The following CHD3 variants were observed in gnomAD, a reference collection of about 807,000 sequenced individuals.
CHD3 encodes ATP-dependent chromatin remodeler CHD3.
CHD3 carries 52 observed loss-of-function variants against 248.9 expected under a neutral mutation model. That is an observed-to-expected ratio of 0.21 (90% confidence interval 0.17 to 0.26). The LOEUF is 0.26. Ranked by LOEUF, CHD3 falls within the 10% of genes least tolerant of loss-of-function variation. The probability of loss-of-function intolerance (pLI) is 1.00; values close to 1 mark genes in which losing one functional copy is unlikely to be tolerated. For missense variants in CHD3, 1,482 were observed against 2,605.8 expected (o/e 0.57, Z 9.39); for synonymous variants, 985 against 985.2 (o/e 1.00, Z 0.00).
intron 4 of CHD3, 45 bp from the exon 5 acceptor site, chr17:7,893,241 A>C: frequency 6.5e-7 from 1 of 1,541,552 alleles, no homozygotes; most frequent in Non-Finnish European, 8.8e-7. Context: ...CAGTGTTCCC[A>C]GACCATCTGT....
intron 20 of CHD3, 143 bp from the exon 21 acceptor site, chr17:7,902,465 AAG>A (rs1970433560): frequency 2.0e-6 from 1 of 496,828 alleles, no homozygotes; most frequent in South Asian, 4.8e-5. Context: ...AGAGTGTGAC[AAG>A]AAGGTGGAAT....
chr17:7,897,473 A>T lies in CHD3; in HGVS notation c.1919+179A>T, dbSNP rs947575001. The stretch of plus-strand genomic sequence containing the variant: ...CAGGGGAACGGGAGAAAACAGGAGG[A>T]AAATCCGGCCAGGCAGTGCCTCTTT... On this transcript the variant is annotated intron_variant, in intron 11 of 39. Transcript: ENST00000330494. The surrounding 1 kb of genome is among the most constrained non-coding windows in gnomAD (Gnocchi z 4.8). Among the ~76,000 whole-genome samples the T allele has an allele frequency of 1.3e-5, 2 of 152,198 alleles. No individual in the cohort carries two copies. The highest frequency in any genetic ancestry group is 2.4e-5 in the African/African-American group (1 of 41,434).
Position 7,903,737 on chromosome 17 carries a change from C to T in CHD3, c.3728-88C>T. Reference sequence around the variant, plus strand: ...GGGGAAAAAGCCTTCTCTAGGGCTCCTGTGAAAAGGACGCAGAGTAGAAGC... The same window carrying T: ...GGGGAAAAAGCCTTCTCTAGGGCTCTTGTGAAAAGGACGCAGAGTAGAAGC... On this transcript the variant is annotated intron_variant, in intron 23 of 39. Coordinates refer to ENST00000330494, the MANE Select transcript of CHD3 (RefSeq NM_001005273.3). This position sits in a 1 kb window ranked among gnomAD's most constrained non-coding sequence, Gnocchi z 6.8. 1 of 1,422,338 alleles carries T rather than the reference C, an allele frequency of 7.0e-7. No homozygotes were observed. The highest frequency in any genetic ancestry group is 1.4e-5 in the African/African-American group (1 of 70,222). 88.1% of individuals were successfully genotyped at this position (1,422,338 alleles called of 1,614,324 possible).
upstream of CHD3, among the ~76,000 whole-genome samples, chr17:7,888,084 G>A (rs1199533355): frequency 6.6e-6 from 1 of 152,198 alleles, no homozygotes; most frequent in Non-Finnish European, 1.5e-5. Context: ...CAAGTCAACC[G>A]AAGTCCCTGG....
chr17:7,907,792 G>A lies in CHD3; in HGVS notation c.5026+90G>A. 2.0e-6 allele frequency: 3 copies of A among 1,508,142 alleles called. No homozygotes were observed. Among genetic ancestry groups the A allele is most frequent in the Non-Finnish European group, 2.7e-6 (3 of 1,128,602 alleles). 93.4% of individuals were successfully genotyped at this position (1,508,142 alleles called of 1,614,324 possible). ...AACCGAATGCTTGGGTCCTGGGCGGGTAGCTGTTTGAAAGGCCAGTACAGT... is the reference window on the plus strand; with the variant it reads ...AACCGAATGCTTGGGTCCTGGGCGGATAGCTGTTTGAAAGGCCAGTACAGT... On this transcript the variant is annotated intron_variant, in intron 33 of 39. Transcript: ENST00000330494. This position sits in a 1 kb window ranked among gnomAD's most constrained non-coding sequence, Gnocchi z 4.3.
intron 8 of CHD3, 86 bp downstream of exon 8, chr17:7,894,694 C>G: frequency 2.1e-6 from 3 of 1,444,444 alleles, no homozygotes; most frequent in Non-Finnish European, 2.8e-6. Context: ...CTTCCTGCCC[C>G]CAGATGGCTG....
At position 7,911,768 on chromosome 17, in the gene CHD3, C is replaced by G; in HGVS notation, c.*183C>G. On this transcript the variant is annotated 3_prime_UTR_variant, in exon 40 of 40. Coordinates refer to ENST00000330494, the MANE Select transcript of CHD3 (RefSeq NM_001005273.3). The surrounding 1 kb of genome is among the most constrained non-coding windows in gnomAD (Gnocchi z 5.4). ...AAGGGCCCTTTGTCTTTCTCCACTCCCACACACCTTTCCCACCAAGCCTTG... is the reference window on the plus strand; with the variant it reads ...AAGGGCCCTTTGTCTTTCTCCACTCGCACACACCTTTCCCACCAAGCCTTG... 1.3e-6 allele frequency: 2 copies of G among 1,507,468 alleles called. No individual in the cohort carries two copies. The highest frequency in any genetic ancestry group is 1.8e-6 in the Non-Finnish European group (2 of 1,119,644). 93.4% of individuals were successfully genotyped at this position (1,507,468 alleles called of 1,614,324 possible).
rs768279168 is a variant in CHD3 at position 7,898,130 on chromosome 17, G to A, written c.2051+28G>A. The A allele has an allele frequency of 1.1e-5, 17 of 1,610,152 alleles. 1 individual carries two copies. In the Admixed American group the frequency reaches 2.9e-4, roughly 27 times the overall value. On this transcript the variant is annotated intron_variant, in intron 12 of 39. Coordinates refer to ENST00000330494, the MANE Select transcript of CHD3 (RefSeq NM_001005273.3). Reference sequence around the variant, plus strand: ...GAGGGAATGAGCTTGTGGATTCAAGGGATTCTGACGATGAGGGCATGAAAG... The same window carrying A: ...GAGGGAATGAGCTTGTGGATTCAAGAGATTCTGACGATGAGGGCATGAAAG...
At position 7,907,901 on chromosome 17, in the gene CHD3, A is replaced by G. The variant is rs1386048100; in HGVS notation, c.5034A>G (p.Val1678=). Residue 1678 remains valine, a synonymous_variant, in exon 34 of 40, where the codon GTA becomes GTG. Transcript: ENST00000330494. The surrounding 1 kb of genome is among the most constrained non-coding windows in gnomAD (Gnocchi z 4.3). ...ACCTGTCTGTCCTAGCAGAAGATGTAAAAGGTGACCGGGAGCTTCGACCAG... is the reference window on the plus strand; with the variant it reads ...ACCTGTCTGTCCTAGCAGAAGATGTGAAAGGTGACCGGGAGCTTCGACCAG... ...ETGDLGKRED[V]KGDRELRPGP... 5.0e-6 allele frequency: 8 copies of G among 1,611,696 alleles called. No homozygotes were observed. The highest frequency in any genetic ancestry group is 6.8e-6 in the Non-Finnish European group (8 of 1,178,616).
At chr17:7,891,571 C>T (rs770299523) in intron 4 of CHD3, among the ~76,000 whole-genome samples, 1 of 152,096 alleles carries the variant, frequency 6.6e-6, no homozygotes, top group Non-Finnish European at 1.5e-5. Flanking sequence ...TAGAAAATAG[C>T]AGAGATGGGC....
chr17:7,900,764 CTTGGGGA>C lies in CHD3; in HGVS notation c.2978+37_2978+43del, dbSNP rs746428443. 11 of 1,609,946 alleles carry C rather than the reference CTTGGGGA, an allele frequency of 6.8e-6. No homozygotes were observed. In the South Asian group the frequency reaches 1.2e-4, roughly 18 times the overall value. On this transcript the variant is annotated intron_variant, in intron 18 of 39. Transcript: ENST00000330494. This position sits in a 1 kb window ranked among gnomAD's most constrained non-coding sequence, Gnocchi z 6.5. ...GCAAGACGAGCTGCCTGGAGTAGGG[CTTGGGGA>C]TTGATGGGAGCGTTCCAAGTGCAAT...
chr17:7,891,088 C>T (rs751708716), intron 4 of CHD3, 24 bp downstream of exon 4: 102 of 1,610,674 alleles, frequency 6.3e-5, no homozygotes, highest in Non-Finnish European at 8.1e-5. Context: ...GGGGAATCCT[C>T]GCTAATTGAC....
rs1052821004 is a variant in CHD3 at position 7,906,877 on chromosome 17, G to A, written c.4512G>A (p.Glu1504=). 1 of 1,613,986 alleles carries A rather than the reference G, an allele frequency of 6.2e-7. No homozygotes were observed. Among genetic ancestry groups the A allele is most frequent in the South Asian group, 1.1e-5 (1 of 91,088 alleles). Residue 1504 remains glutamate (E), a synonymous_variant, in exon 30 of 40, where the codon GAG becomes GAA. Transcript: ENST00000330494. The surrounding 1 kb of genome is among the most constrained non-coding windows in gnomAD (Gnocchi z 5.0). ...CCACCCTGCCACCCCAGGTGCAGGA[G>A]TTTGAGCACATCAATGGGCGTTGGT... The part of the protein sequence containing the change: ...VMSLVKKKVQ[E]FEHINGRWSM...
Position 7,895,427 on chromosome 17 carries a change from A to G in CHD3, c.1592A>G (p.Asp531Gly). ...PVAVPAPQQA[D>G]GNPDVPPPRP... ...GCAGTGCCAGCCCCTCAACAGGCAG[A>G]TGGAAATCCAGATGTCCCACCCCCC... The change falls in exon 10 of 40, where the codon GAT becomes GGT. Residue 531 changes from aspartate (D) to glycine (G), a missense_variant. Asp to Gly is a moderately conservative substitution (Grantham distance 94). Around this residue, in one of 20 missense-constraint regions of CHD3, gnomAD observed 24 missense variants for 18.3 expected, o/e 1.31. Coordinates refer to ENST00000330494, the MANE Select transcript of CHD3 (RefSeq NM_001005273.3). This position sits in a 1 kb window ranked among gnomAD's most constrained non-coding sequence, Gnocchi z 4.9. 1.2e-6 allele frequency: 2 copies of G among 1,614,110 alleles called. No individual in the cohort carries two copies. The highest frequency in any genetic ancestry group is 1.7e-6 in the Non-Finnish European group (2 of 1,180,010).
In CHD3 at chr17:7,890,958, T is replaced by A. The variant is rs771565667; in HGVS notation, c.403T>A (p.Ser135Thr). 6.2e-7 allele frequency: 1 copy of A among 1,614,028 alleles called. No homozygotes were observed. Among genetic ancestry groups the A allele is most frequent in the Non-Finnish European group, 8.5e-7 (1 of 1,180,010 alleles). ...CCCGCAGCAAGTGGAACAGAAGTCA[T>A]CAGCAACTCTGCTTCTGACCTGGGG... The part of the protein sequence containing the change: ...GGQKQVEQKS[S>T]ATLLLTWGLE... The change falls in exon 4 of 40, where the codon TCA becomes ACA. Residue 135 changes from serine to threonine, a missense_variant. Physicochemically the swap from Ser to Thr is moderately conservative, Grantham distance 58. Coordinates refer to ENST00000330494, the MANE Select transcript of CHD3 (RefSeq NM_001005273.3).
At chr17:7,901,503 A>ATTT in intron 20 of CHD3, 128 bp downstream of exon 20, 24 of 279,480 alleles carry the variant, frequency 8.6e-5, no homozygotes, top group Non-Finnish European at 1.1e-4. Flanking sequence ...CTCCTGTAAG[A>ATTT]GTTTTTTTTT....
rs368128246 is a variant in CHD3, at chr17:7,911,753, T to C, written c.*168T>C. On this transcript the variant is annotated 3_prime_UTR_variant, in exon 40 of 40. Transcript: ENST00000330494. This position sits in a 1 kb window ranked among gnomAD's most constrained non-coding sequence, Gnocchi z 5.4. ...GCTCCTCTCTTCAAGAAGGGCCCTT[T>C]GTCTTTCTCCACTCCCACACACCTT... The C allele has an allele frequency of 4.6e-6, 7 of 1,522,528 alleles. No homozygotes were observed. In the South Asian group the frequency reaches 8.4e-5, roughly 18 times the overall value. 94.3% of individuals were successfully genotyped at this position (1,522,528 alleles called of 1,614,324 possible). A position where few individuals can be genotyped will look rare whatever the true frequency, so the allele number is the denominator to read the frequency against.
At position 7,907,685 on chromosome 17, in the gene CHD3, G is replaced by A. The variant is rs1454511156; in HGVS notation, c.5009G>A (p.Gly1670Glu). Residue 1670 changes from glycine to glutamate, a missense_variant, in exon 33 of 40, where the codon GGG becomes GAG. Physicochemically the swap from Gly to Glu is moderately conservative, Grantham distance 98 (BLOSUM62 -2). Transcript: ENST00000330494. The surrounding 1 kb of genome is among the most constrained non-coding windows in gnomAD (Gnocchi z 4.3). Reference protein sequence around the residue: ...EHRERPEGETGDLGKREDVKG... With the variant: ...EHRERPEGETEDLGKREDVKG... ...AGGGAGAGGCCGGAGGGGGAAACAG[G>A]GGATTTGGGCAAGAGAGGTAATGGG... 6.5e-7 allele frequency: 1 copy of A among 1,534,422 alleles called. No homozygotes were observed. Among genetic ancestry groups the A allele is most frequent in the East Asian group, 2.3e-5 (1 of 43,092 alleles).
rs1286222510 is a variant in CHD3, at chr17:7,903,343, A to G, written c.3567A>G (p.Ser1189=). ...VMIYRFVTRA[S]VEERITQVAK... ...TTTACCGGTTTGTGACTCGCGCGTCAGTGGAAGAGCGAATCACACAAGTGG... is the reference window on the plus strand; with the variant it reads ...TTTACCGGTTTGTGACTCGCGCGTCGGTGGAAGAGCGAATCACACAAGTGG... Residue 1189 remains serine (S), a synonymous_variant, in exon 23 of 40, where the codon TCA becomes TCG. Transcript: ENST00000330494. The surrounding 1 kb of genome is among the most constrained non-coding windows in gnomAD (Gnocchi z 6.8). 1.2e-6 allele frequency: 2 copies of G among 1,614,202 alleles called. No homozygotes were observed. Among genetic ancestry groups the G allele is most frequent in the East Asian group, 4.5e-5 (2 of 44,882 alleles).
Sources: allele counts gnomAD v4.1 joint callset (sites outside exome capture counted in the v4.1 genomes callset), GRCh38; gene constraint gnomAD v4.1.1; regional missense constraint gnomAD v4.1.1; non-coding constraint Gnocchi (gnomAD v3.1); transcripts MANE v1.5; gene names NCBI Gene and HGNC (gene_info 2026-07-23, HGNC 2026-07-21).